TMEM131: variants seen among roughly 807,000 people sequenced by gnomAD.
The protein encoded by TMEM131 is transmembrane protein 131, also known as 2610524E03Rik.
Under a neutral mutation model 211.6 loss-of-function variants are expected in TMEM131, and 66 were observed. The observed-to-expected ratio is 0.31, with a 90% CI of 0.26 to 0.38. TMEM131 has a LOEUF of 0.38. TMEM131 is among the 10% of genes least tolerant of loss of function. The pLI is 1.00. For missense variants in TMEM131, 2,036 were observed against 2,299.3 expected (o/e 0.89, Z 2.34); for synonymous variants, 844 against 841.3 (o/e 1.00, Z -0.06).
intron 35 of TMEM131, chr2:97,764,929 A>C (rs945557219): frequency 6.6e-6 from 1 of 151,988 alleles, no homozygotes; most frequent in Non-Finnish European, 1.5e-5. Flanking sequence ...GGCTCATGTC[A>C]CCTCACTGGG....
intron 1 of TMEM131, among the ~76,000 whole-genome samples, chr2:97,943,035 A>AG: frequency 2.4e-5 from 1 of 41,688 alleles, no homozygotes; most frequent in South Asian, 5.7e-4. Flanking sequence ...AGAAAAGAAA[A>AG]GAAAAGAAAG....
chr2:97,778,715 ATGCCTATCATTCCTCATTCTACATGACC>A (rs1679847341), intron 31 of TMEM131, among the ~76,000 whole-genome samples: 1 of 152,198 alleles, frequency 6.6e-6, no homozygotes, highest in Non-Finnish European at 1.5e-5. Context: ...GAAGCCCATG[ATGCCTATCATTCCTCATTCTACATGACC>A]TTCCCGTTCC....
At chr2:97,811,041 A>G (rs1681525846) in intron 18 of TMEM131, 87 bp downstream of exon 18, 1 of 955,624 alleles carries the variant, frequency 1.0e-6, no homozygotes, top group African/African-American at 1.6e-5. Flanking sequence ...ACTCTGAGTA[A>G]ACTTAATTCT....
Position 97,812,374 on chromosome 2 carries a change from T to C in TMEM131, c.1863+47A>G, listed in dbSNP as rs574447686. On this transcript the variant is annotated intron_variant, in intron 17 of 40. Transcript: ENST00000186436. ...CATAGCAATGATCTTCCACTTGCAG[T>C]TTAGACATCCATCTTACTTTAAGGA... is the stretch of plus-strand genomic sequence containing the variant. 3.8e-6 allele frequency: 6 copies of C among 1,564,820 alleles called. No individual in the cohort carries two copies. In the African/African-American group the frequency reaches 6.9e-5, roughly 18 times the overall value.
intron 24 of TMEM131, 61 bp downstream of exon 24, chr2:97,802,367 T>G: frequency 1.6e-6 from 2 of 1,254,200 alleles, no homozygotes; most frequent in South Asian, 2.8e-5. Flanking sequence ...GCTTTTTAAG[T>G]GAATAAAATA....
At chr2:97,948,653 T>TC (rs1031522247) in intron 1 of TMEM131, among the ~76,000 whole-genome samples, 1 of 73,620 alleles carries the variant, frequency 1.4e-5, no homozygotes, top group Non-Finnish European at 4.0e-5. Flanking sequence ...CAGTAGTTTC[T>TC]TTTTTTTTTA....
Position 97,995,791 on chromosome 2 carries a change from G to T in TMEM131, c.-129C>A. On this transcript the variant is annotated 5_prime_UTR_variant, in exon 1 of 41. Coordinates refer to ENST00000186436, the MANE Select transcript of TMEM131 (RefSeq NM_015348.2). ...GAGCGACAACGGTTGCGAGCCCGGG[G>T]CTCGATCTCCGAGCGTGGGCCTGGG... The T allele has an allele frequency of 1.7e-6, 1 of 604,586 alleles. No homozygotes were observed. The highest frequency in any genetic ancestry group is 6.1e-5 in the East Asian group (1 of 16,410). The allele number at this position is 604,586 out of a possible 1,614,324, so 37.5% of individuals were successfully genotyped here.
intron 4 of TMEM131, among the ~76,000 whole-genome samples, chr2:97,865,832 T>C (rs1040646579): frequency 6.6e-6 from 1 of 152,224 alleles, no homozygotes; most frequent in African/African-American, 2.4e-5. Context: ...GATTGTTTCA[T>C]AGAATCCTTA....
At chr2:97,928,357 A>G (rs1677076676) in intron 1 of TMEM131, among the ~76,000 whole-genome samples, 1 of 149,042 alleles carries the variant, frequency 6.7e-6, no homozygotes, top group Non-Finnish European at 1.5e-5. Flanking sequence ...GTGAAGCACA[A>G]ATATATTTTA....
chr2:97,988,339 C>T (rs1680118820), intron 1 of TMEM131, among the ~76,000 whole-genome samples: 1 of 152,074 alleles, frequency 6.6e-6, no homozygotes, highest in Non-Finnish European at 1.5e-5. Context: ...AAACATAAGA[C>T]CCAAAACTAT....
At chr2:97,841,674 CTAAAAG>C in intron 7 of TMEM131, 135 bp downstream of exon 7, 1 of 869,696 alleles carries the variant, frequency 1.1e-6, no homozygotes, top group Non-Finnish European at 1.5e-6. Context: ...GCAAGCTGTA[CTAAAAG>C]TAATACCCCT....
chr2:97,923,243 C>T (rs1030898347), intron 2 of TMEM131, among the ~76,000 whole-genome samples: 10 of 152,138 alleles, frequency 6.6e-5, no homozygotes, highest in African/African-American at 2.2e-4. Flanking sequence ...TTGCTCACTG[C>T]ACTCCAGCCT....
chr2:97,868,501 C>G (rs1674361317), intron 4 of TMEM131, among the ~76,000 whole-genome samples: 1 of 152,024 alleles, frequency 6.6e-6, no homozygotes, highest in African/African-American at 2.4e-5. Context: ...ATGCTAGTTA[C>G]TTTATTTTTT....
At chr2:97,794,044 G>C (rs1260440024) in intron 29 of TMEM131, among the ~76,000 whole-genome samples, 3 of 133,616 alleles carry the variant, frequency 2.2e-5, no homozygotes, top group Non-Finnish European at 4.8e-5. Context: ...ATGGATAAAA[G>C]TTTGCACATC....
At chr2:97,855,081 T>C (rs147290664) in intron 5 of TMEM131, among the ~76,000 whole-genome samples, 1,560 of 152,358 alleles carry the variant, frequency 0.01, 14 homozygotes, top group South Asian at 0.024. Context: ...ATCTCTGTTT[T>C]CACTGGTAAA....
At chr2:97,983,342 A>G (rs1163502020) in intron 1 of TMEM131, among the ~76,000 whole-genome samples, 4 of 152,102 alleles carry the variant, frequency 2.6e-5, no homozygotes, top group Admixed American at 1.3e-4. Flanking sequence ...ATAATGAGAC[A>G]TGTCCGACCC....
chr2:97,802,294 T>C (rs1402158781), intron 24 of TMEM131, 134 bp downstream of exon 24: 1 of 748,058 alleles, frequency 1.3e-6, no homozygotes, highest in East Asian at 2.8e-5. Context: ...TAAAACCTTC[T>C]CTCAACCTTA....
At chr2:97,809,157 G>C (rs1042052259) in intron 19 of TMEM131, among the ~76,000 whole-genome samples, 3 of 152,170 alleles carry the variant, frequency 2.0e-5, no homozygotes, top group Admixed American at 2.0e-4. Context: ...ATATTCCCAT[G>C]AACTTAAGTG....
chr2:97,934,993 GA>G (rs61587052), intron 1 of TMEM131, among the ~76,000 whole-genome samples: 1 of 148,922 alleles, frequency 6.7e-6, no homozygotes, highest in South Asian at 2.1e-4. Context: ...GCACAATCCA[GA>G]AAAAAAAAAT....
Sources: gnomAD v4.1 joint callset for allele counts (sites outside exome capture counted in the v4.1 genomes callset) on GRCh38, gnomAD v4.1.1 for gene constraint, MANE v1.5 for transcripts, NCBI Gene and HGNC (gene_info 2026-07-23, HGNC 2026-07-21) for gene names.